Variants in TSNARE1 observed in about 807,000 individuals in gnomAD.
TSNARE1 encodes the protein t-SNARE domain containing 1.
Under a neutral mutation model 62.0 loss-of-function variants are expected in TSNARE1, and 49 were observed. That is an observed-to-expected ratio of 0.79 (90% CI 0.63 to 1.00). The LOEUF (loss-of-function observed/expected upper bound fraction) is 1.00. Ranked by LOEUF, TSNARE1 falls within the 50% of genes least tolerant of loss-of-function variation. The pLI is 0.00. For synonymous variants in TSNARE1, 328 were observed against 294.4 expected (o/e 1.11, Z -1.17); for missense variants, 755 against 700.1 (o/e 1.08, Z -0.88).
chr8:142,254,711 T>G (rs1158095022), intron 12 of TSNARE1, among the ~76,000 whole-genome samples: 1 of 152,204 alleles, frequency 6.6e-6, no homozygotes, highest in Non-Finnish European at 1.5e-5. Flanking sequence ...CCTCACCACC[T>G]GCCAGCTGCA....
chr8:142,278,770 A>G (rs886610459), intron 11 of TSNARE1: 1 of 985,290 alleles, frequency 1.0e-6, no homozygotes, highest in African/African-American at 1.7e-5. Flanking sequence ...GCTGAGAGTC[A>G]CCGGACAGCA....
At chr8:142,301,475 T>G (rs1825763544) in intron 9 of TSNARE1, among the ~76,000 whole-genome samples, 1 of 115,986 alleles carries the variant, frequency 8.6e-6, no homozygotes, top group Admixed American at 9.0e-5. Flanking sequence ...GAGCCCACAG[T>G]GCCCCCACCT....
At chr8:142,232,487 C>T (rs1033033710) in intron 12 of TSNARE1, among the ~76,000 whole-genome samples, 1 of 152,332 alleles carries the variant, frequency 6.6e-6, no homozygotes, top group African/African-American at 2.4e-5. Context: ...GAGGGGAGGG[C>T]GGCCGCAGGG....
chr8:142,345,668 C>A (rs935282458), intron 3 of TSNARE1, 75 bp downstream of exon 3: 4 of 1,446,452 alleles, frequency 2.8e-6, no homozygotes, highest in East Asian at 2.6e-5. Context: ...CACCTGCTGA[C>A]CCTGCCCTCC....
chr8:142,312,166 C>T (rs55768614), intron 9 of TSNARE1, among the ~76,000 whole-genome samples: 12,876 of 152,214 alleles, frequency 0.085, 719 homozygotes, highest in Non-Finnish European at 0.13. Flanking sequence ...TTCCTTTGTG[C>T]GTCAGGTTGG....
intron 8 of TSNARE1, 58 bp downstream of exon 8, chr8:142,314,945 G>T: frequency 6.5e-7 from 1 of 1,542,480 alleles, no homozygotes; most frequent in Non-Finnish European, 9.0e-7. Context: ...AGTGCTCCGG[G>T]AACCGAGGCC....
At chr8:142,373,073 C>T (rs1274532451) in intron 1 of TSNARE1, among the ~76,000 whole-genome samples, 1 of 152,222 alleles carries the variant, frequency 6.6e-6, no homozygotes, top group Non-Finnish European at 1.5e-5. Flanking sequence ...TCTGCTGAGA[C>T]CCCTGAGTGG....
chr8:142,230,986 T>G (rs1393299176), intron 12 of TSNARE1, among the ~76,000 whole-genome samples: 1 of 145,452 alleles, frequency 6.9e-6, no homozygotes, highest in African/African-American at 2.6e-5. Context: ...CATCCATCCA[T>G]TCAACCATCC....
At chr8:142,326,336 A>C (rs117037204) in intron 6 of TSNARE1, 1 of 91,480 alleles carries the variant, frequency 1.1e-5, no homozygotes, top group Non-Finnish European at 2.1e-5. Context: ...ACCACGAGAC[A>C]GATGAGGAAC....
intron 12 of TSNARE1, among the ~76,000 whole-genome samples, chr8:142,258,161 G>A (rs1352784872): frequency 2.6e-5 from 4 of 152,254 alleles, no homozygotes; most frequent in East Asian, 1.9e-4. Context: ...ATGTACACAC[G>A]CTGTATGCAC....
intron 12 of TSNARE1, among the ~76,000 whole-genome samples, chr8:142,244,183 C>CATTAAA (rs1817785400): frequency 6.6e-6 from 1 of 152,180 alleles, no homozygotes; most frequent in Non-Finnish European, 1.5e-5. Context: ...GAGACTCCGA[C>CATTAAA]ATTAAACTGT....
At position 142,318,528 on chromosome 8, in the gene TSNARE1, G is replaced by A. The variant is rs774279992; in HGVS notation, c.984+16C>T. ...ATTCCTCTCCTCCCTCCCAGCCCCA[G>A]ACCCCAGGAACATACCGGGCAGGAG... On this transcript the variant is annotated intron_variant, in intron 7 of 13. Transcript: ENST00000524325. The A allele has an allele frequency of 1.1e-5, 18 of 1,607,638 alleles. 1 individual carries two copies. In the South Asian group the frequency reaches 1.5e-4, roughly 14 times the overall value.
intron 1 of TSNARE1, among the ~76,000 whole-genome samples, chr8:142,366,359 A>C (rs1835551078): frequency 6.6e-6 from 1 of 152,234 alleles, no homozygotes; most frequent in Non-Finnish European, 1.5e-5. Context: ...CCTAGTCTAA[A>C]AACAAGAAAA....
chr8:142,341,632 C>A (rs1245526480), intron 4 of TSNARE1, among the ~76,000 whole-genome samples: 1 of 152,212 alleles, frequency 6.6e-6, no homozygotes, highest in African/African-American at 2.4e-5. Flanking sequence ...CCCACCACCT[C>A]CCACCCGGGA....
At chr8:142,389,054 A>T (rs912139993) in intron 1 of TSNARE1, among the ~76,000 whole-genome samples, 1 of 152,254 alleles carries the variant, frequency 6.6e-6, no homozygotes, top group African/African-American at 2.4e-5. Flanking sequence ...AAAAACAGAC[A>T]AACAGCCTAA....
Position 142,300,592 on chromosome 8 carries a change from C to T in TSNARE1, c.1184G>A (p.Gly395Glu), listed in dbSNP as rs1825555137. 6.2e-7 allele frequency: 1 copy of T among 1,613,566 alleles called. No homozygotes were observed. Among genetic ancestry groups the T allele is most frequent in the African/African-American group, 1.3e-5 (1 of 74,936 alleles). ...ELADDEKVFN[G>E]SDNMWQGQEQ... ...CTGGCCCTGCCACATGTTGTCACTCCCGTTAAAGACCTTCTCATCATCAGC... is the reference window on the plus strand; with the variant it reads ...CTGGCCCTGCCACATGTTGTCACTCTCGTTAAAGACCTTCTCATCATCAGC... Residue 395 changes from glycine (G) to glutamate (E), a missense_variant, in exon 10 of 14, where the codon GGG (glycine) becomes GAG (glutamate). Gly to Glu is a moderately conservative substitution (Grantham distance 98). Coordinates refer to ENST00000524325, the MANE Select transcript of TSNARE1 (RefSeq NM_145003.5).
intron 1 of TSNARE1, among the ~76,000 whole-genome samples, chr8:142,367,783 A>C (rs1835661067): frequency 1.3e-5 from 2 of 152,222 alleles, no homozygotes; most frequent in South Asian, 4.1e-4. Context: ...AAAGTCTAAA[A>C]ATAGAGCCAC....
chr8:142,351,791 C>T (rs917632824), intron 2 of TSNARE1, among the ~76,000 whole-genome samples: 1 of 152,210 alleles, frequency 6.6e-6, no homozygotes, highest in Non-Finnish European at 1.5e-5. Flanking sequence ...AACTTTATCA[C>T]AGAGCTGTCA....
At chr8:142,354,870 G>A (rs141305190) in intron 1 of TSNARE1, 107 bp from the exon 2 acceptor site, 2 of 647,382 alleles carry the variant, frequency 3.1e-6, no homozygotes, top group Non-Finnish European at 5.4e-6. Context: ...CCAAGACCCT[G>A]GCTCCATTGT....
Sources: allele counts gnomAD v4.1 joint callset (sites outside exome capture counted in the v4.1 genomes callset), GRCh38; gene constraint gnomAD v4.1.1; transcripts MANE v1.5; gene names NCBI Gene and HGNC (gene_info 2026-07-23, HGNC 2026-07-21).